The following CDH18 variants were observed in gnomAD, a reference collection of about 807,000 sequenced individuals.
The protein encoded by CDH18 is cadherin 18.
A neutral mutation model predicts 67.9 loss-of-function variants in CDH18; 31 were observed. The observed-to-expected ratio is 0.46, with a 90% CI of 0.34 to 0.62. The LOEUF is 0.62. CDH18 is among the 20% of genes least tolerant of loss of function. The pLI, the probability that CDH18 is intolerant of heterozygous loss-of-function variation, is 0.01. For synonymous variants in CDH18, 362 were observed against 347.2 expected, an observed-to-expected ratio of 1.04 and a Z score of -0.48; for missense variants, 890 against 975.5, an observed-to-expected ratio of 0.91 and a Z score of 1.17.
At chr5:19,505,757 A>G (rs1488836872) in intron 10 of CDH18, among the ~76,000 whole-genome samples, 1 of 152,076 alleles carries the variant, frequency 6.6e-6, no homozygotes, top group Non-Finnish European at 1.5e-5. Flanking sequence ...GATGTTCATC[A>G]GGGATATTGG....
intron 1 of CDH18, among the ~76,000 whole-genome samples, chr5:20,407,120 T>C (rs1335420407): frequency 6.6e-6 from 1 of 152,112 alleles, no homozygotes; most frequent in Non-Finnish European, 1.5e-5. Context: ...AAGAACAATA[T>C]AGTAGTCTAA....
intron 2 of CDH18, among the ~76,000 whole-genome samples, chr5:20,069,407 T>TTTAA (rs1743257183): frequency 6.8e-6 from 1 of 147,858 alleles, no homozygotes; most frequent in Non-Finnish European, 1.5e-5. Context: ...TTTTTATTAT[T>TTTAA]TTTATTTATT....
chr5:20,396,472 C>T (rs1389243323), intron 1 of CDH18, among the ~76,000 whole-genome samples: 1 of 150,928 alleles, frequency 6.6e-6, no homozygotes, highest in Non-Finnish European at 1.5e-5. Flanking sequence ...ATGATAACTG[C>T]TTATCATTAA....
intron 2 of CDH18, among the ~76,000 whole-genome samples, chr5:20,010,602 G>A (rs1019132328): frequency 3.9e-5 from 6 of 152,012 alleles, no homozygotes; most frequent in Non-Finnish European, 8.8e-5. Flanking sequence ...AATCCAATGA[G>A]CATTTTCTAA....
intron 1 of CDH18, among the ~76,000 whole-genome samples, chr5:20,273,399 G>A (rs1232444376): frequency 6.6e-6 from 1 of 151,852 alleles, no homozygotes; most frequent in Admixed American, 6.6e-5. Context: ...TGAGGGCAAG[G>A]CAGATAATAT....
chr5:19,735,994 A>C (rs1768271845), intron 4 of CDH18, among the ~76,000 whole-genome samples: 1 of 152,238 alleles, frequency 6.6e-6, no homozygotes, highest in Admixed American at 6.5e-5. Context: ...AAAGAATTAA[A>C]AGAATTTTAG....
rs183457618 is a variant in CDH18, at chr5:19,661,136, A to C, written c.644-48535T>G. Among the ~76,000 whole-genome samples, 702 of 150,314 alleles carry C rather than the reference A, an allele frequency of 4.7e-3. 2 individuals carry two copies. The highest frequency in any genetic ancestry group is 8.6e-3 in the Non-Finnish European group (581 of 67,858). On this transcript the variant is annotated intron_variant, in intron 5 of 12. Coordinates refer to ENST00000382275, the MANE Select transcript of CDH18 (RefSeq NM_004934.5). ...CCACTATCCATTAGGCTTTGAAAAA[A>C]AAAAGTTACATTTACATAGCTAATT...
At chr5:20,345,430 C>A (rs761680517) in intron 1 of CDH18, among the ~76,000 whole-genome samples, 16 of 152,172 alleles carry the variant, frequency 1.1e-4, no homozygotes, top group Non-Finnish European at 2.1e-4. Context: ...CGTGAAACAG[C>A]TTTAGCCACA....
intron 5 of CDH18, among the ~76,000 whole-genome samples, chr5:19,647,444 C>G (rs919161711): frequency 2.2e-5 from 3 of 138,700 alleles, no homozygotes; most frequent in Non-Finnish European, 3.0e-5. Context: ...GCAGGAGAAT[C>G]ACTTGAACCC....
At chr5:20,308,079 CTTTTTT>C (rs759117114) in intron 1 of CDH18, among the ~76,000 whole-genome samples, 4 of 85,438 alleles carry the variant, frequency 4.7e-5, no homozygotes, top group African/African-American at 2.2e-4. Context: ...AATACTACTG[CTTTTTT>C]TTTTTTTTTT....
At chr5:19,920,801 C>A (rs1259469727) in intron 2 of CDH18, among the ~76,000 whole-genome samples, 1 of 151,440 alleles carries the variant, frequency 6.6e-6, no homozygotes, top group South Asian at 2.1e-4. Context: ...CGTAAGCCAC[C>A]GTGCCCGGCC....
At chr5:20,387,365 CTT>C (rs1562022768) in intron 1 of CDH18, among the ~76,000 whole-genome samples, 1 of 151,998 alleles carries the variant, frequency 6.6e-6, no homozygotes, top group Non-Finnish European at 1.5e-5. Flanking sequence ...TTGGTTCTCT[CTT>C]TGTCTGTTAT....
At chr5:19,836,661 TCTTTA>T (rs1480647080) in intron 3 of CDH18, among the ~76,000 whole-genome samples, 1 of 151,980 alleles carries the variant, frequency 6.6e-6, no homozygotes, top group South Asian at 2.1e-4. Context: ...GTGCAGAGGC[TCTTTA>T]CTTTAATTAG....
chr5:19,526,329 T>A (rs1158992173), intron 9 of CDH18, among the ~76,000 whole-genome samples: 1 of 152,134 alleles, frequency 6.6e-6, no homozygotes, highest in African/African-American at 2.4e-5. Context: ...ATTAATACAA[T>A]AGGGACTCAT....
chr5:20,132,281 C>T (rs1391208160), intron 2 of CDH18, among the ~76,000 whole-genome samples: 2 of 152,100 alleles, frequency 1.3e-5, no homozygotes, highest in Admixed American at 1.3e-4. Context: ...TTTTACACTT[C>T]CATAATTTTT....
At chr5:20,023,658 C>CAAA (rs58583654) in intron 2 of CDH18, among the ~76,000 whole-genome samples, 1 of 83,994 alleles carries the variant, frequency 1.2e-5, no homozygotes, top group Non-Finnish European at 2.5e-5. Context: ...GACTCCGTCT[C>CAAA]AAAAAAAAAA....
intron 2 of CDH18, among the ~76,000 whole-genome samples, chr5:20,162,209 T>G (rs1005609962): frequency 1.3e-5 from 2 of 152,020 alleles, no homozygotes; most frequent in Non-Finnish European, 2.9e-5. Context: ...GAAATGTCAT[T>G]TATCACTCTG....
At chr5:20,203,581 A>AAGAGAGAGAGAGAGAG (rs57913549) in intron 2 of CDH18, among the ~76,000 whole-genome samples, 39 of 145,580 alleles carry the variant, frequency 2.7e-4, no homozygotes, top group South Asian at 1.5e-3. Context: ...GTGGAGGGAA[A>AAGAGAGAGAGAGAGAG]AGAGAGAGAG....
intron 11 of CDH18, among the ~76,000 whole-genome samples, chr5:19,493,545 T>C (rs567579720): frequency 3.0e-4 from 45 of 151,572 alleles, no homozygotes; most frequent in African/African-American, 1.1e-3. Flanking sequence ...GGGGTGTGTG[T>C]GTGTGTGTGT....
Sources: gnomAD v4.1 joint callset for allele counts (sites outside exome capture counted in the v4.1 genomes callset) on GRCh38, gnomAD v4.1.1 for gene constraint, MANE v1.5 for transcripts, NCBI Gene and HGNC (gene_info 2026-07-23, HGNC 2026-07-21) for gene names.